The following CD200R1 variants were observed in gnomAD, a reference collection of about 807,000 sequenced individuals.
The protein encoded by CD200R1 is CD200 receptor 1, also known as cell surface glycoprotein CD200 receptor 1.
In CD200R1, 30 loss-of-function variants were observed where a neutral mutation model predicts 38.1. The ratio of observed to expected loss-of-function variants is 0.79; its 90% confidence interval spans 0.59 to 1.07. The LOEUF (loss-of-function observed/expected upper bound fraction) is 1.07. Ranked by LOEUF, CD200R1 falls within the 50% of genes least tolerant of loss-of-function variation. The pLI is 0.00. For missense variants in CD200R1, 372 were observed against 415.4 expected, an observed-to-expected ratio of 0.90 and a Z score of 0.91; for synonymous variants, 128 against 152.1, an observed-to-expected ratio of 0.84 and a Z score of 1.16.
chr3:112,941,481 C>A (rs1940726980), intron 2 of CD200R1, among the ~76,000 whole-genome samples: 1 of 151,452 alleles, frequency 6.6e-6, no homozygotes, highest in African/African-American at 2.4e-5. Flanking sequence ...AGGAGAGGAA[C>A]AGAGATGAGA....
At chr3:112,954,496 G>A (rs1023507837) in intron 1 of CD200R1, among the ~76,000 whole-genome samples, 2 of 152,134 alleles carry the variant, frequency 1.3e-5, no homozygotes, top group African/African-American at 4.8e-5. Context: ...ATGGTGGCTG[G>A]TCACTGGGAA....
intron 1 of CD200R1, among the ~76,000 whole-genome samples, chr3:112,970,265 A>C (rs910060940): frequency 1.3e-5 from 2 of 152,132 alleles, no homozygotes; most frequent in African/African-American, 4.8e-5. Context: ...TGGTCCTAGA[A>C]TGGGGTCTAG....
At chr3:112,939,238 C>A (rs1940659893) in intron 2 of CD200R1, among the ~76,000 whole-genome samples, 1 of 151,818 alleles carries the variant, frequency 6.6e-6, no homozygotes, top group African/African-American at 2.4e-5. Context: ...CTACTCTCAC[C>A]CTTGTTATTC....
chr3:112,965,962 G>A (rs527267531), intron 1 of CD200R1, among the ~76,000 whole-genome samples: 3 of 152,164 alleles, frequency 2.0e-5, no homozygotes, highest in Admixed American at 6.5e-5. Flanking sequence ...AAAAGGTTAA[G>A]AATTATTACA....
intron 2 of CD200R1, among the ~76,000 whole-genome samples, chr3:112,934,245 T>C (rs1940522035): frequency 6.6e-6 from 1 of 152,014 alleles, no homozygotes; most frequent in Non-Finnish European, 1.5e-5. Context: ...GAGAAAAGCA[T>C]CAAGCCAAAT....
At chr3:112,939,759 A>G (rs753732182) in intron 2 of CD200R1, among the ~76,000 whole-genome samples, 3 of 151,530 alleles carry the variant, frequency 2.0e-5, no homozygotes, top group Non-Finnish European at 4.4e-5. Context: ...CAAGATACCA[A>G]TGAAGTGTCA....
chr3:112,940,198 A>G (rs1940695589), intron 2 of CD200R1, among the ~76,000 whole-genome samples: 1 of 151,864 alleles, frequency 6.6e-6, no homozygotes, highest in Admixed American at 6.6e-5. Flanking sequence ...TAAATATAAG[A>G]CCAGAAACTA....
intron 2 of CD200R1, among the ~76,000 whole-genome samples, chr3:112,931,811 G>C (rs1242470783): frequency 6.6e-6 from 1 of 151,984 alleles, no homozygotes; most frequent in East Asian, 1.9e-4. Context: ...ATCAAAGGGA[G>C]AGTGCAGGAG....
chr3:112,970,771 T>C (rs1933286444), intron 1 of CD200R1, among the ~76,000 whole-genome samples: 1 of 152,174 alleles, frequency 6.6e-6, no homozygotes, highest in South Asian at 2.1e-4. Context: ...CATTACCTTA[T>C]TGCCATCCTC....
chr3:112,963,605 G>A (rs1011147822), intron 1 of CD200R1, among the ~76,000 whole-genome samples: 8 of 152,184 alleles, frequency 5.3e-5, no homozygotes, highest in African/African-American at 1.2e-4. Context: ...TTTCTAAGCA[G>A]CAAAGTATTC....
intron 1 of CD200R1, among the ~76,000 whole-genome samples, chr3:112,961,742 T>C (rs2107340097): frequency 6.6e-6 from 1 of 152,256 alleles, no homozygotes; most frequent in East Asian, 1.9e-4. Flanking sequence ...ACCTGGGGAA[T>C]GTTTGCAACA....
chr3:112,952,717 T>A (rs1940996567), intron 1 of CD200R1, among the ~76,000 whole-genome samples: 1 of 152,010 alleles, frequency 6.6e-6, no homozygotes, highest in Admixed American at 6.6e-5. Flanking sequence ...AGCGCACCAG[T>A]GTGGCACATG....
In CD200R1 at chr3:112,929,381, G is replaced by A. The variant is rs776411555; in HGVS notation, c.329C>T (p.Ala110Val). Residue 110 changes from alanine to valine, a missense_variant, in exon 4 of 8, where the codon GCC becomes GTC. By Grantham distance (64) the Ala-to-Val change is moderately conservative. Coordinates refer to ENST00000308611, the MANE Select transcript of CD200R1 (RefSeq NM_138806.4). The part of the protein sequence containing the change: ...ILRGQPSCTK[A>V]YKKETNETKE... Reference sequence around the variant, plus strand: ...GGTCTCATTTGTTTCTTTCTTGTAGGCTTTTGTGCAGGAAGGCTGGCCTCT... The same window carrying A: ...GGTCTCATTTGTTTCTTTCTTGTAGACTTTTGTGCAGGAAGGCTGGCCTCT... 3.1e-6 allele frequency: 5 copies of A among 1,613,878 alleles called. No homozygotes were observed. Among genetic ancestry groups the A allele is most frequent in the South Asian group, 1.1e-5 (1 of 91,086 alleles).
At chr3:112,925,591 G>C (rs924993234) in intron 5 of CD200R1, among the ~76,000 whole-genome samples, 2 of 152,054 alleles carry the variant, frequency 1.3e-5, no homozygotes, top group African/African-American at 2.4e-5. Flanking sequence ...GTAAAGTATG[G>C]ACTTTGGGTG....
At chr3:112,929,545 T>C in intron 3 of CD200R1, 38 bp from the exon 4 acceptor site, 1 of 1,536,680 alleles carries the variant, frequency 6.5e-7, no homozygotes, top group Non-Finnish European at 8.8e-7. Context: ...AAAAGCTTGA[T>C]AAAGAACTTC....
At chr3:112,950,075 A>G (rs538101446) in intron 1 of CD200R1, among the ~76,000 whole-genome samples, 8 of 152,358 alleles carry the variant, frequency 5.3e-5, no homozygotes, top group Admixed American at 3.3e-4. Context: ...AATCCAAATT[A>G]AAAGTATTTG....
chr3:112,958,306 G>A (rs1442167929), intron 1 of CD200R1, among the ~76,000 whole-genome samples: 1 of 152,030 alleles, frequency 6.6e-6, no homozygotes, highest in Non-Finnish European at 1.5e-5. Context: ...CGACTCAATA[G>A]CAAAAAGGAA....
chr3:112,945,307 C>T (rs576600571), intron 2 of CD200R1, among the ~76,000 whole-genome samples: 1 of 152,106 alleles, frequency 6.6e-6, no homozygotes, highest in East Asian at 1.9e-4. Context: ...TGACACTATT[C>T]GACTTCAAGA....
At position 112,922,740 on chromosome 3, in the gene CD200R1, A is replaced by G. The variant is rs1006069669; in HGVS notation, c.*937T>C. The stretch of plus-strand genomic sequence containing the variant: ...ATAATTCTTATTATAATCTCACATC[A>G]TATTTAATCTGGTTGATTAAAAAGA... On this transcript the variant is annotated 3_prime_UTR_variant, in exon 8 of 8. Coordinates refer to ENST00000308611, the MANE Select transcript of CD200R1 (RefSeq NM_138806.4). The G allele has an allele frequency of 3.3e-5, 5 of 151,990 alleles. No homozygotes were observed. The highest frequency in any genetic ancestry group is 4.8e-5 in the African/African-American group (2 of 41,444). The allele number at this position is 151,990 out of a possible 1,614,324, so 9.4% of individuals were successfully genotyped here.
Sources: gnomAD v4.1 joint callset for allele counts (sites outside exome capture counted in the v4.1 genomes callset) on GRCh38, gnomAD v4.1.1 for gene constraint, MANE v1.5 for transcripts, NCBI Gene and HGNC (gene_info 2026-07-23, HGNC 2026-07-21) for gene names.